The following YWHAZ variants were observed in gnomAD, a reference collection of about 807,000 sequenced individuals.
YWHAZ encodes the protein 14-3-3 protein zeta/delta.
For missense variants in YWHAZ, 79 were observed against 284.8 expected (o/e 0.28, Z 5.20); for synonymous variants, 87 against 103.6 (o/e 0.84, Z 0.97).
intron 2 of YWHAZ, among the ~76,000 whole-genome samples, chr8:100,930,079 G>C (rs1813658247): frequency 6.6e-6 from 1 of 152,132 alleles, no homozygotes; most frequent in Admixed American, 6.6e-5. Flanking sequence ...CATAATATAA[G>C]GAAGTATACA....
rs1317605820 is a variant in YWHAZ, at chr8:100,916,686, G to GT, written c.*4006dup. 1.3e-5 allele frequency: 2 copies of GT among 152,164 alleles called. No homozygotes were observed. The highest frequency in any genetic ancestry group is 2.1e-4 in the South Asian group (1 of 4,826). The allele number at this position is 152,164 out of a possible 1,614,324, so 9.4% of individuals were successfully genotyped here. A position where few individuals can be genotyped will look rare whatever the true frequency, so the allele number is the denominator to read the frequency against. On this transcript the variant is annotated 3_prime_UTR_variant, in exon 6 of 6. Coordinates refer to ENST00000395958, the MANE Select transcript of YWHAZ (RefSeq NM_145690.3). ...ATATGATCAAATATTCACATCTCTGGTATCACCTAGGATTGGCTAACATTA... is the reference window on the plus strand; with the variant it reads ...ATATGATCAAATATTCACATCTCTGGTTATCACCTAGGATTGGCTAACATTA...
intron 2 of YWHAZ, among the ~76,000 whole-genome samples, chr8:100,947,919 A>C (rs1810426096): frequency 6.6e-6 from 1 of 152,250 alleles, no homozygotes; most frequent in African/African-American, 2.4e-5. Context: ...CCTACTTTAT[A>C]TGACAGATTA....
chr8:100,952,676 T>C, upstream of YWHAZ: 1 of 594,790 alleles, frequency 1.7e-6, no homozygotes. Flanking sequence ...TCCGGCATTG[T>C]GATCAGGACT....
rs537031443 is a variant in YWHAZ, at chr8:100,950,294, C to T, written c.-11-1394G>A. On this transcript the variant is annotated intron_variant, in intron 1 of 5. Transcript: ENST00000395958. ...AAGCCAGTACAAAGGATTCTCTCCC[C>T]AATCACTTCGGTACAAGAGGAAGTG... is the stretch of plus-strand genomic sequence containing the variant. The T allele has an allele frequency of 6.0e-6, 5 of 831,074 alleles. No homozygotes were observed. In the East Asian group the frequency reaches 6.2e-4, roughly 103 times the overall value. 51.5% of individuals were successfully genotyped at this position (831,074 alleles called of 1,614,324 possible). A position where few individuals can be genotyped will look rare whatever the true frequency, so the allele number is the denominator to read the frequency against.
intron 2 of YWHAZ, among the ~76,000 whole-genome samples, chr8:100,936,623 A>T (rs1481558993): frequency 6.6e-6 from 1 of 152,178 alleles, no homozygotes; most frequent in African/African-American, 2.4e-5. Flanking sequence ...CAACATGGTG[A>T]AACCCCACCT....
At chr8:100,938,854 G>A (rs1814398272) in intron 2 of YWHAZ, among the ~76,000 whole-genome samples, 1 of 152,162 alleles carries the variant, frequency 6.6e-6, no homozygotes, top group Non-Finnish European at 1.5e-5. Flanking sequence ...TGATTAGGAG[G>A]TGTCAAGAAC....
intron 2 of YWHAZ, among the ~76,000 whole-genome samples, chr8:100,946,138 CAAG>C (rs1218193288): frequency 1.3e-5 from 2 of 152,144 alleles, no homozygotes; most frequent in East Asian, 3.8e-4. Context: ...ATAATCATAA[CAAG>C]AAGAAACTAT....
In YWHAZ at chr8:100,948,180, G is replaced by C; in HGVS notation, c.294+416C>G. 6.6e-7 allele frequency: 1 copy of C among 1,505,236 alleles called. No homozygotes were observed. Among genetic ancestry groups the C allele is most frequent in the Non-Finnish European group, 8.9e-7 (1 of 1,128,550 alleles). 93.2% of individuals were successfully genotyped at this position (1,505,236 alleles called of 1,614,324 possible). Reference sequence around the variant, plus strand: ...ATTATAGCGGCTAATCCTGAGAAGAGTACTATTTCTACAATGAGTATCCTA... The same window carrying C: ...ATTATAGCGGCTAATCCTGAGAAGACTACTATTTCTACAATGAGTATCCTA... On this transcript the variant is annotated intron_variant, in intron 2 of 5. Transcript: ENST00000395958. The surrounding 1 kb of genome is among the most constrained non-coding windows in gnomAD (Gnocchi z 4.2).
At chr8:100,931,617 A>G (rs1192524120) in intron 2 of YWHAZ, among the ~76,000 whole-genome samples, 1 of 152,116 alleles carries the variant, frequency 6.6e-6, no homozygotes, top group African/African-American at 2.4e-5. Context: ...GCTAATCTTT[A>G]TTTTCTCATC....
At chr8:100,938,112 A>G (rs556629416) in intron 2 of YWHAZ, among the ~76,000 whole-genome samples, 89 of 152,300 alleles carry the variant, frequency 5.8e-4, no homozygotes, top group Admixed American at 3.4e-3. Context: ...CCTGGGCAAC[A>G]AGAGTCAAAC....
At position 100,950,574 on chromosome 8, in the gene YWHAZ, G is replaced by A. The variant is rs1490620901; in HGVS notation, c.-12+1355C>T. 6.1e-6 allele frequency: 6 copies of A among 985,386 alleles called. No individual in the cohort carries two copies. In the East Asian group the frequency reaches 3.4e-4, roughly 56 times the overall value. The allele number at this position is 985,386 out of a possible 1,614,324, so 61.0% of individuals were successfully genotyped here. On this transcript the variant is annotated intron_variant, in intron 1 of 5. Transcript: ENST00000395958. ...CTTTGTCATGGCGGATCTGTGTCAGGGAGCCCAACCTACTGCAGAGTGTTA... is the reference window on the plus strand; with the variant it reads ...CTTTGTCATGGCGGATCTGTGTCAGAGAGCCCAACCTACTGCAGAGTGTTA...
intron 2 of YWHAZ, among the ~76,000 whole-genome samples, chr8:100,942,382 G>C (rs1809932368): frequency 6.6e-6 from 1 of 152,134 alleles, no homozygotes; most frequent in Non-Finnish European, 1.5e-5. Context: ...ACATATACAA[G>C]CTTTTCATAA....
chr8:100,927,699 T>G (rs1041439390), intron 2 of YWHAZ, among the ~76,000 whole-genome samples: 1 of 152,228 alleles, frequency 6.6e-6, no homozygotes, highest in African/African-American at 2.4e-5. Flanking sequence ...GGAAAGGTGT[T>G]GATAAATGCT....
At chr8:100,926,497 G>T (rs534251467) in intron 2 of YWHAZ, among the ~76,000 whole-genome samples, 18 of 152,302 alleles carry the variant, frequency 1.2e-4, no homozygotes, top group Admixed American at 1.2e-3. Context: ...CAGGCGTGGT[G>T]ACGGGCGCCT....
At position 100,948,548 on chromosome 8, in the gene YWHAZ, T is replaced by C; in HGVS notation, c.294+48A>G. 2 of 1,556,280 alleles carry C rather than the reference T, an allele frequency of 1.3e-6. No homozygotes were observed. ...AAGTTAAGAGTAATGTAACTGATAC[T>C]CATAGGGACCCTACAGTATAATGAA... On this transcript the variant is annotated intron_variant, in intron 2 of 5. Transcript: ENST00000395958. The surrounding 1 kb of genome is among the most constrained non-coding windows in gnomAD (Gnocchi z 4.2).
upstream of YWHAZ, chr8:100,952,237 G>A: frequency 1.2e-6 from 1 of 833,112 alleles, no homozygotes; most frequent in African/African-American, 1.8e-5. Context: ...AGGCGCGCGC[G>A]TCCTCGCCCG....
intron 2 of YWHAZ, among the ~76,000 whole-genome samples, chr8:100,935,806 C>G (rs935355550): frequency 1.3e-5 from 2 of 152,150 alleles, no homozygotes; most frequent in African/African-American, 4.8e-5. Flanking sequence ...AAACTATGAC[C>G]AGCCTCCTCC....
chr8:100,932,324 T>A (rs565220741), intron 2 of YWHAZ, among the ~76,000 whole-genome samples: 2 of 152,096 alleles, frequency 1.3e-5, no homozygotes, highest in Admixed American at 6.5e-5. Context: ...AAAAACCACC[T>A]TAGCTCTGAA....
At chr8:100,951,009 C>A in intron 1 of YWHAZ, 1 of 352,334 alleles carries the variant, frequency 2.8e-6, no homozygotes, top group Non-Finnish European at 4.0e-6. Context: ...CCACCCTGTT[C>A]TCTACCCCGA....
Sources: gnomAD v4.1 joint callset for allele counts (sites outside exome capture counted in the v4.1 genomes callset) on GRCh38, gnomAD v4.1.1 for gene constraint, Gnocchi (gnomAD v3.1) non-coding constraint, MANE v1.5 for transcripts, NCBI Gene and HGNC (gene_info 2026-07-23, HGNC 2026-07-21) for gene names.